The following NPAS3 variants were observed in gnomAD, a reference collection of about 807,000 sequenced individuals.
NPAS3 encodes neuronal PAS domain protein 3, also known as neuronal PAS domain-containing protein 3.
A neutral mutation model predicts 73.1 loss-of-function variants in NPAS3; 14 were observed. The ratio of observed to expected loss-of-function variants is 0.19; its 90% CI spans 0.13 to 0.30. The LOEUF is 0.30. NPAS3 is among the 10% of genes least tolerant of loss of function. The pLI is 1.00. For missense variants in NPAS3, 1,096 were observed against 1,250.0 expected (o/e 0.88, Z 1.86); for synonymous variants, 620 against 541.5 (o/e 1.14, Z -2.01).
rs566224478 is a variant in NPAS3 at position 33,368,699 on chromosome 14, T to C, written c.468+1431T>C. On this transcript the variant is annotated intron_variant, in intron 4 of 11. Coordinates refer to ENST00000356141, the Ensembl canonical transcript of NPAS3. ...CTATTCTATTGTATACATAAAATTT[T>C]GAATTACCTTTGTTACAACCTAGGA... 1.7e-4 allele frequency among the ~76,000 whole-genome samples: 26 copies of C among 152,352 alleles called. No individual in the cohort carries two copies. In the South Asian group the frequency reaches 5.4e-3, roughly 32 times the overall value.
At chr14:33,328,427 T>C (rs1235713796) in intron 3 of NPAS3, among the ~76,000 whole-genome samples, 1 of 147,762 alleles carries the variant, frequency 6.8e-6, no homozygotes, top group Non-Finnish European at 1.5e-5. Context: ...TGTTTTTATC[T>C]TTCTTTTCCT....
intron 4 of NPAS3, among the ~76,000 whole-genome samples, chr14:33,388,311 T>C (rs1209420975): frequency 6.6e-6 from 1 of 151,046 alleles, no homozygotes; most frequent in Non-Finnish European, 1.5e-5. Context: ...CACAAAGAAG[T>C]AGAGGGGGTG....
chr14:33,377,162 A>G (rs910382725), intron 4 of NPAS3, among the ~76,000 whole-genome samples: 1 of 152,214 alleles, frequency 6.6e-6, no homozygotes, highest in Non-Finnish European at 1.5e-5. Flanking sequence ...GGTGATAACA[A>G]TGTATTTTTA....
At chr14:33,180,194 T>TGAGAGTATAATAAAAAAAAAA (rs1432050657) in intron 2 of NPAS3, among the ~76,000 whole-genome samples, 1 of 152,202 alleles carries the variant, frequency 6.6e-6, no homozygotes. Context: ...CCTCCTTTCC[T>TGAGAGTATAATAAAAAAAAAA]ACCCCAACTC....
chr14:33,157,056 A>G (rs2044672795), intron 2 of NPAS3, among the ~76,000 whole-genome samples: 1 of 152,216 alleles, frequency 6.6e-6, no homozygotes, highest in Admixed American at 6.5e-5. Context: ...TAGTGAATTT[A>G]GAAAGGGGAA....
intron 5 of NPAS3, among the ~76,000 whole-genome samples, chr14:33,663,365 T>A (rs1277751939): frequency 6.6e-6 from 1 of 152,178 alleles, no homozygotes; most frequent in Non-Finnish European, 1.5e-5. Context: ...TGATGGATTA[T>A]GTTTATTGAT....
chr14:33,163,038 C>T (rs896381724), intron 2 of NPAS3, among the ~76,000 whole-genome samples: 2 of 152,184 alleles, frequency 1.3e-5, no homozygotes, highest in Non-Finnish European at 2.9e-5. Context: ...TCATGACAAC[C>T]TGACTCACCG....
At chr14:33,228,894 C>A (rs992855992) in intron 3 of NPAS3, among the ~76,000 whole-genome samples, 1 of 151,720 alleles carries the variant, frequency 6.6e-6, no homozygotes, top group East Asian at 1.9e-4. Context: ...GTATACAGTA[C>A]TTTCAAAATA....
At chr14:33,146,264 A>C (rs1171740034) in intron 2 of NPAS3, among the ~76,000 whole-genome samples, 3 of 152,194 alleles carry the variant, frequency 2.0e-5, no homozygotes, top group Non-Finnish European at 2.9e-5. Flanking sequence ...TGGGGGAAGC[A>C]TGAGCTTCAG....
intron 3 of NPAS3, among the ~76,000 whole-genome samples, chr14:33,272,713 G>A (rs1342501529): frequency 6.6e-6 from 1 of 152,038 alleles, no homozygotes; most frequent in Non-Finnish European, 1.5e-5. Context: ...CACCATTCCT[G>A]GCCTAATTTT....
intron 3 of NPAS3, among the ~76,000 whole-genome samples, chr14:33,217,643 C>A (rs953159774): frequency 5.9e-5 from 9 of 152,110 alleles, no homozygotes; most frequent in African/African-American, 2.2e-4. Flanking sequence ...GCTTTCTTGG[C>A]AGTCATGGCT....
At chr14:33,094,060 A>G (rs1177913713) in intron 2 of NPAS3, among the ~76,000 whole-genome samples, 1 of 152,078 alleles carries the variant, frequency 6.6e-6, no homozygotes, top group Admixed American at 6.5e-5. Context: ...TGGCACATGT[A>G]TATATATGTA....
intron 5 of NPAS3, among the ~76,000 whole-genome samples, chr14:33,650,926 G>A (rs1005676835): frequency 1.1e-4 from 16 of 152,140 alleles, no homozygotes; most frequent in African/African-American, 3.9e-4. Context: ...GCCCATTGTA[G>A]GTCTGAGGAT....
At chr14:32,957,319 G>T (rs1461066974) in intron 1 of NPAS3, among the ~76,000 whole-genome samples, 5 of 149,362 alleles carry the variant, frequency 3.3e-5, no homozygotes, top group Admixed American at 3.3e-4. Context: ...TTGTTAATTT[G>T]TAACTTATCT....
At chr14:33,785,722 T>C (rs2063151183) in intron 9 of NPAS3, among the ~76,000 whole-genome samples, 1 of 152,174 alleles carries the variant, frequency 6.6e-6, no homozygotes, top group African/African-American at 2.4e-5. Context: ...GATCAGGTCA[T>C]TCAAATCTCT....
At chr14:33,275,787 C>A (rs939914101) in intron 3 of NPAS3, among the ~76,000 whole-genome samples, 2 of 152,092 alleles carry the variant, frequency 1.3e-5, no homozygotes, top group Non-Finnish European at 2.9e-5. Context: ...TTAGTATAAT[C>A]TGACTATTTG....
intron 3 of NPAS3, among the ~76,000 whole-genome samples, chr14:33,308,527 T>TATATACACACACACACAC: frequency 1.2e-4 from 12 of 103,732 alleles, no homozygotes; most frequent in Middle Eastern, 4.4e-3. Flanking sequence ...TATATATATA[T>TATATACACACACACACAC]ACATACACAC....
chr14:33,790,287 A>G (rs2063319329), intron 9 of NPAS3, among the ~76,000 whole-genome samples: 1 of 152,256 alleles, frequency 6.6e-6, no homozygotes. Flanking sequence ...TATGAAATAA[A>G]CTTATTCAAA....
intron 2 of NPAS3, among the ~76,000 whole-genome samples, chr14:33,182,819 C>T (rs773281641): frequency 6.6e-6 from 1 of 152,158 alleles, no homozygotes; most frequent in African/African-American, 2.4e-5. Context: ...TCCCCTATTC[C>T]TTCATAACCA....
Sources: allele counts gnomAD v4.1 joint callset (sites outside exome capture counted in the v4.1 genomes callset), GRCh38; gene constraint gnomAD v4.1.1; transcripts MANE v1.5; gene names NCBI Gene and HGNC (gene_info 2026-07-23, HGNC 2026-07-21).